The following THRB variants were observed in gnomAD, a reference collection of about 807,000 sequenced individuals.
The protein encoded by THRB is nuclear receptor subfamily 1 group A member 2.
A neutral mutation model predicts 47.8 loss-of-function variants in THRB; 12 were observed. The observed-to-expected ratio is 0.25, with a 90% confidence interval of 0.16 to 0.41. The LOEUF is 0.41. Ranked by LOEUF, THRB falls within the 10% of genes least tolerant of loss-of-function variation. The probability of loss-of-function intolerance (pLI) is 1.00; values close to 1 mark genes in which losing one functional copy is unlikely to be tolerated. For synonymous variants in THRB, 218 were observed against 212.2 expected, an observed-to-expected ratio of 1.03 and a Z score of -0.24; for missense variants, 348 against 589.2, an observed-to-expected ratio of 0.59 and a Z score of 4.24.
chr3:24,137,356 T>C (rs931259493), intron 8 of THRB, among the ~76,000 whole-genome samples: 5 of 152,190 alleles, frequency 3.3e-5, no homozygotes, highest in Non-Finnish European at 5.9e-5. Flanking sequence ...CTCAAGGACC[T>C]TGCATTGTAG....
At chr3:24,331,154 A>G (rs1282990296) in intron 2 of THRB, among the ~76,000 whole-genome samples, 2 of 152,162 alleles carry the variant, frequency 1.3e-5, no homozygotes, top group South Asian at 2.1e-4. Context: ...TATGGCTTAA[A>G]AAAAGGGAGT....
intron 4 of THRB, among the ~76,000 whole-genome samples, chr3:24,225,536 A>AGCCAG (rs1173626640): frequency 2.0e-5 from 3 of 152,196 alleles, no homozygotes; most frequent in Non-Finnish European, 4.4e-5. Context: ...AATATCATAC[A>AGCCAG]GCCAGGTTCA....
At chr3:24,198,036 A>AG (rs924300773) in intron 4 of THRB, among the ~76,000 whole-genome samples, 2 of 152,184 alleles carry the variant, frequency 1.3e-5, no homozygotes, top group Admixed American at 1.3e-4. Context: ...TGGTCACCAG[A>AG]GGGCAGGCTC....
chr3:24,422,577 A>C (rs980276439), intron 1 of THRB, among the ~76,000 whole-genome samples: 2 of 151,910 alleles, frequency 1.3e-5, no homozygotes, highest in Non-Finnish European at 2.9e-5. Flanking sequence ...TTAGATTTCC[A>C]TTTCTGGCAA....
intron 9 of THRB, 66 bp downstream of exon 9, chr3:24,133,250 C>T: frequency 4.5e-6 from 7 of 1,541,458 alleles, no homozygotes; most frequent in Non-Finnish European, 6.3e-6. Flanking sequence ...AAATAATACC[C>T]AGTATTCCTG....
intron 3 of THRB, among the ~76,000 whole-genome samples, chr3:24,288,348 T>G (rs1248793893): frequency 1.3e-5 from 2 of 152,232 alleles, no homozygotes. Context: ...TCTGAACTAT[T>G]TACACATTCC....
At chr3:24,165,069 T>C (rs1335856629) in intron 5 of THRB, 7 of 763,034 alleles carry the variant, frequency 9.2e-6, no homozygotes, top group Admixed American at 1.7e-5. Flanking sequence ...TGAGAAAAAG[T>C]AGGCTTTTCT....
At chr3:24,281,943 G>C (rs1164309806) in intron 3 of THRB, among the ~76,000 whole-genome samples, 3 of 148,412 alleles carry the variant, frequency 2.0e-5, no homozygotes, top group Non-Finnish European at 4.5e-5. Context: ...AGCAAGTCCT[G>C]AGTGACCTAC....
At chr3:24,431,812 A>C (rs189087387) in intron 1 of THRB, among the ~76,000 whole-genome samples, 1 of 152,246 alleles carries the variant, frequency 6.6e-6, no homozygotes, top group Non-Finnish European at 1.5e-5. Flanking sequence ...GCAGTGGAAA[A>C]TGGAAAAATT....
At chr3:24,216,951 CTT>C (rs1290941419) in intron 4 of THRB, among the ~76,000 whole-genome samples, 2 of 151,782 alleles carry the variant, frequency 1.3e-5, no homozygotes, top group Non-Finnish European at 2.9e-5. Flanking sequence ...TACTGAAAGA[CTT>C]TTTTGATGAA....
chr3:24,195,430 G>T (rs988379007), intron 4 of THRB, among the ~76,000 whole-genome samples: 1 of 152,086 alleles, frequency 6.6e-6, no homozygotes, highest in Non-Finnish European at 1.5e-5. Flanking sequence ...TGCTTTGAAA[G>T]TTCTTTAGAA....
intron 3 of THRB, among the ~76,000 whole-genome samples, chr3:24,284,254 C>T (rs2054978987): frequency 6.6e-6 from 1 of 151,600 alleles, no homozygotes; most frequent in Non-Finnish European, 1.5e-5. Flanking sequence ...CGGAACAGAA[C>T]AGAGCCCTCA....
intron 5 of THRB, among the ~76,000 whole-genome samples, chr3:24,168,490 AATATAT>A (rs370230507): frequency 6.5e-5 from 9 of 138,012 alleles, no homozygotes; most frequent in Admixed American, 1.4e-4. Flanking sequence ...TTCAATCAAT[AATATAT>A]ATATATATAT....
At chr3:24,316,062 T>C (rs1431074124) in intron 2 of THRB, among the ~76,000 whole-genome samples, 2 of 152,202 alleles carry the variant, frequency 1.3e-5, no homozygotes, top group African/African-American at 4.8e-5. Context: ...GAATTGAAAA[T>C]GCTTTATTGC....
chr3:24,299,773 A>ATTTTTTTTTTTTTT (rs1559869623), intron 2 of THRB, among the ~76,000 whole-genome samples: 1 of 70,324 alleles, frequency 1.4e-5, no homozygotes, highest in African/African-American at 5.9e-5. Context: ...ATGCTTTTTT[A>ATTTTTTTTTTTTTT]TTTATTTATT....
At chr3:24,371,912 G>T (rs549420293) in intron 1 of THRB, among the ~76,000 whole-genome samples, 1 of 152,054 alleles carries the variant, frequency 6.6e-6, no homozygotes, top group Admixed American at 6.6e-5. Context: ...TTTATAAGAC[G>T]TGAGTGGCAC....
At chr3:24,452,740 A>C (rs1338821033) in intron 1 of THRB, among the ~76,000 whole-genome samples, 1 of 152,072 alleles carries the variant, frequency 6.6e-6, no homozygotes, top group Admixed American at 6.6e-5. Flanking sequence ...GGAGGGGTAA[A>C]GTTCAAAAGA....
chr3:24,391,921 C>A (rs190952801), intron 1 of THRB, among the ~76,000 whole-genome samples: 1 of 152,142 alleles, frequency 6.6e-6, no homozygotes. Context: ...TGGATCCTGG[C>A]ACACAGAGAG....
intron 2 of THRB, among the ~76,000 whole-genome samples, chr3:24,307,479 C>T (rs1018668706): frequency 6.6e-6 from 1 of 152,074 alleles, no homozygotes; most frequent in African/African-American, 2.4e-5. Context: ...CACGCTATAA[C>T]CTCTTCATAA....
Sources: gnomAD v4.1 joint callset for allele counts (sites outside exome capture counted in the v4.1 genomes callset) on GRCh38, gnomAD v4.1.1 for gene constraint, MANE v1.5 for transcripts, NCBI Gene and HGNC (gene_info 2026-07-23, HGNC 2026-07-21) for gene names.